CYTH3: variants seen among roughly 807,000 people sequenced by gnomAD.
CYTH3 encodes cytohesin 3.
CYTH3 carries 23 observed loss-of-function variants against 55.1 expected under a neutral mutation model. That is an observed-to-expected ratio of 0.42 (90% CI 0.30 to 0.59). The LOEUF is 0.59. Among genes scored for constraint, CYTH3 ranks in the 20% least tolerant of loss-of-function variants. The pLI, the probability that CYTH3 is intolerant of heterozygous loss-of-function variation, is 0.20. For missense variants in CYTH3, 413 were observed against 524.8 expected, an observed-to-expected ratio of 0.79 and a Z score of 2.08; for synonymous variants, 249 against 194.9, an observed-to-expected ratio of 1.28 and a Z score of -2.31.
chr7:6,256,987 C>T (rs759888859), intron 1 of CYTH3, among the ~76,000 whole-genome samples: 1 of 152,240 alleles, frequency 6.6e-6, no homozygotes, highest in Non-Finnish European at 1.5e-5. Context: ...TAGTAACCAT[C>T]TGACTAGTAT....
At chr7:6,213,870 G>C (rs1156717982) in intron 1 of CYTH3, among the ~76,000 whole-genome samples, 1 of 152,050 alleles carries the variant, frequency 6.6e-6, no homozygotes. Flanking sequence ...CTGCCCACCA[G>C]GAGAACTTGG....
chr7:6,234,218 C>T (rs1779460862), intron 1 of CYTH3, among the ~76,000 whole-genome samples: 1 of 152,164 alleles, frequency 6.6e-6, no homozygotes, highest in Admixed American at 6.6e-5. Context: ...GTGTTAGAGG[C>T]CACTGGAGAT....
At chr7:6,183,429 G>A (rs967903665) in intron 4 of CYTH3, among the ~76,000 whole-genome samples, 2 of 152,212 alleles carry the variant, frequency 1.3e-5, no homozygotes, top group African/African-American at 4.8e-5. Flanking sequence ...CAGGAATAAA[G>A]GAGAGGCTGC....
At chr7:6,222,869 C>T (rs954051411) in intron 1 of CYTH3, among the ~76,000 whole-genome samples, 7 of 151,442 alleles carry the variant, frequency 4.6e-5, no homozygotes, top group Non-Finnish European at 1.0e-4. Flanking sequence ...TTTGACAAAA[C>T]AGCTAATATG....
rs146595177 is a variant in CYTH3, at chr7:6,177,787, G to A, written c.368+36C>T. ...CTAGGTCAAGCTGCAGGGCTGAGTG[G>A]CCCCAGGTAGGGCTTTGCATCCTCC... is the stretch of plus-strand genomic sequence containing the variant. On this transcript the variant is annotated intron_variant, in intron 5 of 12. Coordinates refer to ENST00000350796, the MANE Select transcript of CYTH3 (RefSeq NM_004227.4). 3.3e-6 allele frequency: 5 copies of A among 1,513,972 alleles called. No individual in the cohort carries two copies. The African/African-American group carries it at 6.9e-5, about 21-fold the overall frequency. The allele number at this position is 1,513,972 out of a possible 1,614,324, so 93.8% of individuals were successfully genotyped here. A position where few individuals can be genotyped will look rare whatever the true frequency, so the allele number is the denominator to read the frequency against.
In CYTH3 at chr7:6,167,090, A is replaced by G. The variant is rs1215411059; in HGVS notation, c.824-1280T>C. Among the ~76,000 whole-genome samples, 1 of 151,960 alleles carries G rather than the reference A, an allele frequency of 6.6e-6. No individual in the cohort carries two copies. Among genetic ancestry groups the G allele is most frequent in the Non-Finnish European group, 1.5e-5 (1 of 67,950 alleles). ...TCCGTCACTGGAACCCTCTGCCCCA[A>G]CTGTGGCACCGCCTCACTGGTCCCC... On this transcript the variant is annotated intron_variant, in intron 9 of 12. Coordinates refer to ENST00000350796, the MANE Select transcript of CYTH3 (RefSeq NM_004227.4). This position sits in a 1 kb window ranked among gnomAD's most constrained non-coding sequence, Gnocchi z 5.5.
chr7:6,226,106 A>C (rs1779244024), intron 1 of CYTH3, among the ~76,000 whole-genome samples: 1 of 152,174 alleles, frequency 6.6e-6, no homozygotes, highest in Non-Finnish European at 1.5e-5. Context: ...AGCAAACCCT[A>C]CATCAAGGAA....
chr7:6,192,944 G>C (rs1363758217), intron 1 of CYTH3, among the ~76,000 whole-genome samples: 4 of 151,776 alleles, frequency 2.6e-5, no homozygotes, highest in Non-Finnish European at 5.9e-5. Flanking sequence ...GCAGAGACAG[G>C]TGGATCACCT....
chr7:6,247,613 TAC>T (rs1187249289), intron 1 of CYTH3, among the ~76,000 whole-genome samples: 1 of 152,188 alleles, frequency 6.6e-6, no homozygotes, highest in Non-Finnish European at 1.5e-5. Context: ...TTACTGTCAT[TAC>T]AGTTTCTTTC....
chr7:6,189,172 A>G (rs186818316), intron 2 of CYTH3, among the ~76,000 whole-genome samples: 2 of 152,242 alleles, frequency 1.3e-5, no homozygotes, highest in East Asian at 3.9e-4. Flanking sequence ...CTTCTGTAAC[A>G]ATCACAGGCT....
intron 4 of CYTH3, among the ~76,000 whole-genome samples, chr7:6,183,902 G>A (rs1394052738): frequency 1.3e-5 from 2 of 152,112 alleles, no homozygotes; most frequent in Middle Eastern, 3.4e-3. Context: ...TCCCCAGCAT[G>A]TGAGGATACA....
At chr7:6,231,978 C>T (rs553230455) in intron 1 of CYTH3, among the ~76,000 whole-genome samples, 3 of 152,316 alleles carry the variant, frequency 2.0e-5, no homozygotes, top group South Asian at 4.1e-4. Flanking sequence ...TTTACCTGTT[C>T]TGCTTTCTTG....
intron 1 of CYTH3, among the ~76,000 whole-genome samples, chr7:6,222,573 C>A (rs965335225): frequency 6.6e-6 from 1 of 151,904 alleles, no homozygotes; most frequent in Non-Finnish European, 1.5e-5. Context: ...AGTGAAACCC[C>A]GTCTCTACTA....
intron 1 of CYTH3, among the ~76,000 whole-genome samples, chr7:6,206,629 C>G (rs1784193942): frequency 6.6e-6 from 1 of 152,190 alleles, no homozygotes; most frequent in South Asian, 2.1e-4. Flanking sequence ...CCTTAAAAGC[C>G]TATGTCTGAA....
At chr7:6,178,988 T>A (rs1427280967) in intron 4 of CYTH3, among the ~76,000 whole-genome samples, 1 of 152,198 alleles carries the variant, frequency 6.6e-6, no homozygotes, top group Non-Finnish European at 1.5e-5. Flanking sequence ...GGAGGCCATT[T>A]CTACAAATTC....
intron 1 of CYTH3, among the ~76,000 whole-genome samples, chr7:6,207,899 G>A (rs10229323): frequency 1.4e-5 from 2 of 144,790 alleles, no homozygotes; most frequent in East Asian, 2.1e-4. Flanking sequence ...GCAATGAGCC[G>A]AGATCATGCC....
At chr7:6,185,699 C>CAA (rs34943703) in intron 4 of CYTH3, among the ~76,000 whole-genome samples, 5 of 127,472 alleles carry the variant, frequency 3.9e-5, no homozygotes, top group Admixed American at 8.2e-5. Flanking sequence ...GACTCTGTCT[C>CAA]AAAAAAAAAA....
intron 1 of CYTH3, among the ~76,000 whole-genome samples, chr7:6,267,194 T>C (rs1780519022): frequency 6.6e-6 from 1 of 152,240 alleles, no homozygotes; most frequent in Non-Finnish European, 1.5e-5. Context: ...GCTGGCACCA[T>C]GCCTGTACAG....
chr7:6,236,721 C>T (rs1296688364), intron 1 of CYTH3, among the ~76,000 whole-genome samples: 1 of 152,046 alleles, frequency 6.6e-6, no homozygotes, highest in Non-Finnish European at 1.5e-5. Flanking sequence ...GCCACCACAC[C>T]CAGCTAATTT....
Sources: gnomAD v4.1 joint callset for allele counts (sites outside exome capture counted in the v4.1 genomes callset) on GRCh38, gnomAD v4.1.1 for gene constraint, Gnocchi (gnomAD v3.1) non-coding constraint, MANE v1.5 for transcripts, NCBI Gene and HGNC (gene_info 2026-07-23, HGNC 2026-07-21) for gene names.